EML5: variants seen among roughly 807,000 people sequenced by gnomAD.
The protein encoded by EML5 is EMAP like 5.
In EML5, 120 loss-of-function variants were observed where a neutral mutation model predicts 250.0. The ratio of observed to expected loss-of-function variants is 0.48; its 90% confidence interval spans 0.41 to 0.56. The LOEUF is 0.56. Among genes scored for constraint, EML5 ranks in the 20% least tolerant of loss-of-function variants. The pLI is 0.00. For missense variants in EML5, 2,006 were observed against 2,437.6 expected (o/e 0.82, Z 3.73); for synonymous variants, 771 against 806.5 (o/e 0.96, Z 0.75).
At chr14:88,736,245 C>T (rs778758436) in intron 7 of EML5, 119 bp downstream of exon 7, 14 of 1,094,182 alleles carry the variant, frequency 1.3e-5, no homozygotes, top group East Asian at 4.7e-5. Flanking sequence ...GTGATCTGCC[C>T]GCCTTGGCCT....
At chr14:88,761,306 C>T (rs1003780430) in intron 1 of EML5, among the ~76,000 whole-genome samples, 1 of 152,044 alleles carries the variant, frequency 6.6e-6, no homozygotes, top group African/African-American at 2.4e-5. Context: ...CACTCATCAA[C>T]CTGTCATCTA....
chr14:88,791,897 C>T (rs1326381211), intron 1 of EML5, among the ~76,000 whole-genome samples: 1 of 152,190 alleles, frequency 6.6e-6, no homozygotes, highest in Non-Finnish European at 1.5e-5. Flanking sequence ...GTGCTTCCAT[C>T]AGTCCTTTAT....
At chr14:88,664,457 AACTTT>A in intron 23 of EML5, 31 bp downstream of exon 23, 1 of 1,547,276 alleles carries the variant, frequency 6.5e-7, no homozygotes, top group Non-Finnish European at 8.7e-7. Context: ...AATCAAATGA[AACTTT>A]TATCAAGTAT....
At chr14:88,656,181 A>G in intron 27 of EML5, among the ~76,000 whole-genome samples, 1 of 152,214 alleles carries the variant, frequency 6.6e-6, no homozygotes, top group African/African-American at 2.4e-5. Flanking sequence ...TATTTATTAC[A>G]GCACTGTTCA....
At chr14:88,712,951 G>C (rs1335821740) in intron 9 of EML5, among the ~76,000 whole-genome samples, 1 of 152,164 alleles carries the variant, frequency 6.6e-6, no homozygotes, top group African/African-American at 2.4e-5. Context: ...TAGGTAAGAG[G>C]ACTTTAGGAC....
At chr14:88,631,018 A>G (rs948246206) in intron 33 of EML5, among the ~76,000 whole-genome samples, 6 of 152,162 alleles carry the variant, frequency 3.9e-5, no homozygotes, top group African/African-American at 1.2e-4. Flanking sequence ...GCAGACACCC[A>G]CTGAAGTTAT....
At chr14:88,757,975 C>T (rs2094185679) in intron 1 of EML5, among the ~76,000 whole-genome samples, 1 of 151,514 alleles carries the variant, frequency 6.6e-6, no homozygotes, top group Non-Finnish European at 1.5e-5. Context: ...GCTTTGGCCT[C>T]TCAAGTAGCT....
chr14:88,758,769 A>G (rs929853152), intron 1 of EML5, among the ~76,000 whole-genome samples: 2 of 152,240 alleles, frequency 1.3e-5, no homozygotes, highest in Non-Finnish European at 2.9e-5. Flanking sequence ...AGTAGAAACA[A>G]TCCAAATGTT....
At chr14:88,657,225 A>G in intron 27 of EML5, 151 bp downstream of exon 27, 1 of 711,278 alleles carries the variant, frequency 1.4e-6, no homozygotes, top group South Asian at 2.2e-5. Context: ...AAGGTATTTA[A>G]AGACAGACAT....
chr14:88,690,517 G>A (rs576642337), intron 17 of EML5, among the ~76,000 whole-genome samples: 1 of 152,312 alleles, frequency 6.6e-6, no homozygotes, highest in African/African-American at 2.4e-5. Context: ...CCTTGTAAGA[G>A]CAGCTGGGTG....
chr14:88,671,989 C>T (rs1407349397), intron 21 of EML5, among the ~76,000 whole-genome samples: 1 of 152,012 alleles, frequency 6.6e-6, no homozygotes. Flanking sequence ...AACATTAGAT[C>T]ATAAAGACAG....
chr14:88,677,507 G>T lies in EML5; in HGVS notation c.3124+4383C>A, dbSNP rs193201454. 5.9e-4 allele frequency among the ~76,000 whole-genome samples: 90 copies of T among 152,310 alleles called. 1 individual carries two copies. In the East Asian group the frequency reaches 0.015, roughly 26 times the overall value. On this transcript the variant is annotated intron_variant, in intron 21 of 43. Transcript: ENST00000554922. ...CAGCAAAAGAAACTGTCATCAGAAT[G>T]ATCAGGCAACCTACAGAATGGGAGA...
intron 13 of EML5, 65 bp from the exon 14 acceptor site, chr14:88,702,697 C>T: frequency 3.4e-6 from 4 of 1,163,296 alleles, no homozygotes; most frequent in Non-Finnish European, 4.6e-6. Flanking sequence ...ACAGAATATA[C>T]AGGGGAGAAG....
chr14:88,738,378 G>A (rs1417405363), intron 6 of EML5, among the ~76,000 whole-genome samples: 1 of 150,630 alleles, frequency 6.6e-6, no homozygotes, highest in African/African-American at 2.4e-5. Context: ...ATAGTAAAAG[G>A]TCCTGTTTTA....
At chr14:88,746,782 G>C (rs2140304854) in intron 2 of EML5, among the ~76,000 whole-genome samples, 2 of 152,154 alleles carry the variant, frequency 1.3e-5, no homozygotes, top group Admixed American at 1.3e-4. Context: ...TTGAATTGCA[G>C]ACCGCCTCTG....
chr14:88,679,780 C>G (rs2092679230), intron 21 of EML5, among the ~76,000 whole-genome samples: 1 of 152,084 alleles, frequency 6.6e-6, no homozygotes, highest in African/African-American at 2.4e-5. Context: ...AGCCATCAAA[C>G]AAGAGATAGT....
chr14:88,627,214 G>C, intron 34 of EML5, 168 bp from the exon 35 acceptor site: 1 of 645,472 alleles, frequency 1.5e-6, no homozygotes, highest in Non-Finnish European at 2.6e-6. Flanking sequence ...TTTGTGTATT[G>C]AGTCCTTTTC....
chr14:88,783,235 G>A (rs1175482225), intron 1 of EML5, among the ~76,000 whole-genome samples: 2 of 152,224 alleles, frequency 1.3e-5, no homozygotes, highest in Non-Finnish European at 2.9e-5. Flanking sequence ...CAAATGTGGG[G>A]TTGGATCCCC....
chr14:88,739,942 G>A lies in EML5; in HGVS notation c.711+445C>T, dbSNP rs141206437. ...CTAGCTCCCTTTACTTTGTAAGGGG[G>A]ACCCAAACTGCTAAAAAGCTCAAAC... On this transcript the variant is annotated intron_variant, in intron 5 of 43. Coordinates refer to ENST00000554922, the MANE Select transcript of EML5 (RefSeq NM_183387.3). Among the ~76,000 whole-genome samples the A allele has an allele frequency of 5.5e-3, 842 of 152,104 alleles. 8 individuals are homozygous for A. Among genetic ancestry groups the A allele is most frequent in the South Asian group, 0.049 (238 of 4,818 alleles).
Sources: gnomAD v4.1 joint callset for allele counts (sites outside exome capture counted in the v4.1 genomes callset) on GRCh38, gnomAD v4.1.1 for gene constraint, MANE v1.5 for transcripts, NCBI Gene and HGNC (gene_info 2026-07-23, HGNC 2026-07-21) for gene names.